RBMX2: variants seen among roughly 807,000 people sequenced by gnomAD.
The protein encoded by RBMX2 is RNA-binding motif protein, X-linked 2.
For synonymous variants in RBMX2, 77 were observed against 94.3 expected (o/e 0.82, Z 1.07); for missense variants, 191 against 256.0 (o/e 0.75, Z 1.73).
At chrX:130,402,225 A>ACCCCCCCCCCCCC in intron 1 of RBMX2, 30 bp from the exon 2 acceptor site, 1 of 984,797 alleles carries the variant, frequency 1.0e-6, no homozygotes, top group South Asian at 2.0e-5. Flanking sequence ...TTTTCTGCCT[A>ACCCCCCCCCCCCC]CCCTCCCCAC....
rs766960329 is a variant in RBMX2, at chrX:130,412,563, G to A, written c.684G>A (p.Arg228=). Residue 228 remains arginine, a synonymous_variant, in exon 6 of 6, where the codon AGG becomes AGA. Coordinates refer to ENST00000305536, the MANE Select transcript of RBMX2 (RefSeq NM_016024.4). ...PREGQKLPKS[R]TAYSGGAEDL... is the part of the protein sequence containing the mutation. Reference sequence around the variant, plus strand: ...AGGGGCAGAAGCTCCCCAAATCCAGGACGGCCTACTCTGGTGGAGCAGAGG... The same window carrying A: ...AGGGGCAGAAGCTCCCCAAATCCAGAACGGCCTACTCTGGTGGAGCAGAGG... 1.0e-4 allele frequency: 124 copies of A among 1,205,656 alleles called. No homozygotes were observed. Among genetic ancestry groups the A allele is most frequent in the Non-Finnish European group, 1.5e-5 (13 of 894,149 alleles).
At chrX:130,402,224 T>TTCCCCC in intron 1 of RBMX2, 31 bp from the exon 2 acceptor site, 3 of 1,174,328 alleles carry the variant, frequency 2.6e-6, no homozygotes, top group East Asian at 3.0e-5. Context: ...CTTTTCTGCC[T>TTCCCCC]ACCCTCCCCA....
At chrX:130,402,168 A>G in intron 1 of RBMX2, 87 bp from the exon 2 acceptor site, 3 of 1,162,338 alleles carry the variant, frequency 2.6e-6, no homozygotes, top group East Asian at 3.1e-5. Context: ...CTCGTCCCCT[A>G]GTTTTGCTCT....
intron 3 of RBMX2, among the ~76,000 whole-genome samples, chrX:130,404,830 G>T (rs1321319680): frequency 8.9e-6 from 1 of 112,302 alleles, no homozygotes. Flanking sequence ...ACAGGTGGAG[G>T]GCCCTGGCAG....
chrX:130,404,470 GGCTGGGCA>G (rs2034474218), intron 3 of RBMX2: 1 of 112,870 alleles, frequency 8.9e-6, no homozygotes, highest in Admixed American at 9.3e-5. Context: ...GTAGGAGAGG[GGCTGGGCA>G]GCTGGCCTGC....
chrX:130,406,765 G>T (rs1181966166), intron 3 of RBMX2, among the ~76,000 whole-genome samples: 1 of 110,688 alleles, frequency 9.0e-6, no homozygotes, highest in South Asian at 3.8e-4. Flanking sequence ...TTGGGGCTGG[G>T]ACCCAGATCT....
chrX:130,403,719 C>A, intron 2 of RBMX2, 83 bp from the exon 3 acceptor site: 1 of 902,077 alleles, frequency 1.1e-6, no homozygotes, highest in Non-Finnish European at 1.6e-6. Context: ...ACTGTTTCCA[C>A]CCCTAGTGCC....
At chrX:130,402,225 A>AACCCCCC in intron 1 of RBMX2, 30 bp from the exon 2 acceptor site, 2 of 984,789 alleles carry the variant, frequency 2.0e-6, no homozygotes, top group Non-Finnish European at 2.8e-6. Flanking sequence ...TTTTCTGCCT[A>AACCCCCC]CCCTCCCCAC....
chrX:130,403,783 A>G lies in RBMX2; in HGVS notation c.122-19A>G. On this transcript the variant is annotated intron_variant, in intron 2 of 5. Transcript: ENST00000305536. ...CTTGGTAAATGTTGGTGGAACTGAA[A>G]TGTGGTTTTCTCTTCTAGGAGGGCT... The G allele has an allele frequency of 8.3e-7, 1 of 1,204,059 alleles. No homozygotes were observed. Among genetic ancestry groups the G allele is most frequent in the Non-Finnish European group, 1.1e-6 (1 of 888,355 alleles).
Position 130,412,933 on chromosome X carries a change from C to G in RBMX2, c.*85C>G. The G allele has an allele frequency of 1.0e-6, 1 of 974,774 alleles. No individual in the cohort carries two copies. The highest frequency in any genetic ancestry group is 2.5e-5 in the South Asian group (1 of 39,858). The allele number at this position is 974,774 out of a possible 1,213,427, so 80.3% of individuals were successfully genotyped here. The stretch of plus-strand genomic sequence containing the variant: ...AGTTGGGTGGTTACTATTTTTGTAT[C>G]TAAAACTTCTGGGGCTGGATTCTTT... On this transcript the variant is annotated 3_prime_UTR_variant, in exon 6 of 6. Coordinates refer to ENST00000305536, the MANE Select transcript of RBMX2 (RefSeq NM_016024.4).
At position 130,402,037 on chromosome X, in the gene RBMX2, A is replaced by G; in HGVS notation, c.5A>G (p.Asn2Ser). 8.3e-7 allele frequency: 1 copy of G among 1,199,034 alleles called. No homozygotes were observed. Among genetic ancestry groups the G allele is most frequent in the Admixed American group, 2.3e-5 (1 of 44,153 alleles). ...GCTGAGCGCGAACCCGAGGAGATGA[A>G]GTAAGGCGTCAGCTTCCTTTTGAGG... M[N>S]PLTKVKLINE... is the part of the protein sequence containing the mutation. The change falls in exon 1 of 6, where the codon AAC (asparagine) becomes AGC (serine). Residue 2 changes from asparagine (N) to serine (S), a missense_variant and splice_region_variant. Coordinates refer to ENST00000305536, the MANE Select transcript of RBMX2 (RefSeq NM_016024.4).
At chrX:130,409,521 AC>A (rs1476786767) in intron 4 of RBMX2, 135 bp downstream of exon 4, 17 of 627,624 alleles carry the variant, frequency 2.7e-5, no homozygotes, top group Admixed American at 6.9e-5. Context: ...AGATGTGGAG[AC>A]ACTGGTCAAG....
chrX:130,411,675 A>G, intron 5 of RBMX2, 150 bp downstream of exon 5: 1 of 553,283 alleles, frequency 1.8e-6, no homozygotes, highest in Non-Finnish European at 2.7e-6. Flanking sequence ...TATCAGTGGA[A>G]GGCTGGTGCT....
Position 130,409,365 on chromosome X carries a change from C to T in RBMX2, c.282C>T (p.Val94=), listed in dbSNP as rs775686968. Residue 94 remains valine (V), a synonymous_variant, in exon 4 of 6, where the codon GTC becomes GTT. Transcript: ENST00000305536. ...YEDQRSTILA[V]DNFNGIKIKG... ...ACCAGAGGAGCACAATTCTGGCCGT[C>T]GACAATTTTAATGGGATCAAGGTGA... 10 of 1,207,164 alleles carry T rather than the reference C, an allele frequency of 8.3e-6. No individual in the cohort carries two copies. Among genetic ancestry groups the T allele is most frequent in the Middle Eastern group, 2.3e-4 (1 of 4,345 alleles).
intron 3 of RBMX2, among the ~76,000 whole-genome samples, chrX:130,408,157 C>CTTGT (rs113335102): frequency 0.12 from 13,278 of 107,019 alleles, 811 homozygotes; most frequent in African/African-American, 0.19. Flanking sequence ...ATTCTGCCTT[C>CTTGT]TTGTTTGTTT....
In RBMX2 at chrX:130,406,057, G is replaced by A. The variant is rs1313518312; in HGVS notation, c.173+2204G>A. Among the ~76,000 whole-genome samples the A allele has an allele frequency of 7.3e-4, 48 of 65,954 alleles. 2 individuals are homozygous for A. Among genetic ancestry groups the A allele is most frequent in the Non-Finnish European group, 9.7e-4 (40 of 41,316 alleles). 57.3% of individuals were successfully genotyped at this position (65,954 alleles called of 115,157 possible). Reference sequence around the variant, plus strand: ...TTTTTAGTAGAGACGGGGTTTCACCGTTTTAGCCGGGATGGTCTCGATCTC... The same window carrying A: ...TTTTTAGTAGAGACGGGGTTTCACCATTTTAGCCGGGATGGTCTCGATCTC... On this transcript the variant is annotated intron_variant, in intron 3 of 5. Transcript: ENST00000305536.
intron 2 of RBMX2, 52 bp from the exon 3 acceptor site, chrX:130,403,750 A>G: frequency 9.0e-7 from 1 of 1,109,432 alleles, no homozygotes; most frequent in South Asian, 1.8e-5. Flanking sequence ...CGTGGTATGT[A>G]GTAAACACTT....
At chrX:130,405,381 C>T (rs1227711531) in intron 3 of RBMX2, among the ~76,000 whole-genome samples, 1 of 97,463 alleles carries the variant, frequency 1.0e-5, no homozygotes, top group African/African-American at 3.8e-5. Context: ...TCCCCCATCT[C>T]AAAAAAAAAG....
At chrX:130,403,918 G>A in intron 3 of RBMX2, 65 bp downstream of exon 3, 1 of 1,102,755 alleles carries the variant, frequency 9.1e-7, no homozygotes, top group Non-Finnish European at 1.3e-6. Flanking sequence ...AATACATTTT[G>A]TGGCATCACA....
Sources: allele counts gnomAD v4.1 joint callset (sites outside exome capture counted in the v4.1 genomes callset), GRCh38; gene constraint gnomAD v4.1.1; transcripts MANE v1.5; gene names NCBI Gene and HGNC (gene_info 2026-07-23, HGNC 2026-07-21).